Variants in PTPRN2 observed in about 807,000 individuals in gnomAD.
PTPRN2 encodes the protein protein tyrosine phosphatase receptor type N2.
A neutral mutation model predicts 118.8 loss-of-function variants in PTPRN2; 74 were observed. The observed-to-expected ratio is 0.62, with a 90% CI of 0.52 to 0.76. The LOEUF is 0.76. Among genes scored for constraint, PTPRN2 ranks in the 30% least tolerant of loss-of-function variants. The pLI is 0.00. For synonymous variants in PTPRN2, 641 were observed against 608.0 expected, an observed-to-expected ratio of 1.05 and a Z score of -0.80; for missense variants, 1,481 against 1,394.4, an observed-to-expected ratio of 1.06 and a Z score of -0.99.
At chr7:158,258,910 G>A (rs1171713154) in intron 3 of PTPRN2, among the ~76,000 whole-genome samples, 2 of 152,196 alleles carry the variant, frequency 1.3e-5, no homozygotes, top group African/African-American at 4.8e-5. Flanking sequence ...GTGCTGGGTA[G>A]ACACACCGGC....
chr7:157,823,864 T>C (rs1420506167), intron 12 of PTPRN2, among the ~76,000 whole-genome samples: 1 of 152,178 alleles, frequency 6.6e-6, no homozygotes, highest in Non-Finnish European at 1.5e-5. Context: ...CTAACCAGCC[T>C]GTGTCTCTAA....
chr7:157,695,327 T>G (rs1254609607), intron 12 of PTPRN2, among the ~76,000 whole-genome samples: 1 of 152,154 alleles, frequency 6.6e-6, no homozygotes, highest in Non-Finnish European at 1.5e-5. Flanking sequence ...AAAAAACACC[T>G]GAGACTCTTG....
intron 11 of PTPRN2, among the ~76,000 whole-genome samples, chr7:158,019,696 G>A (rs905787469): frequency 2.0e-5 from 3 of 152,194 alleles, no homozygotes; most frequent in Non-Finnish European, 4.4e-5. Flanking sequence ...GGAAGATGGT[G>A]AGCGGGCTGT....
intron 18 of PTPRN2, among the ~76,000 whole-genome samples, chr7:157,577,804 G>A (rs190979587): frequency 6.6e-6 from 1 of 152,250 alleles, no homozygotes; most frequent in Admixed American, 6.5e-5. Flanking sequence ...CGGCCCTCGG[G>A]GGTGACTCAG....
At chr7:157,605,979 T>C (rs1801978400) in intron 15 of PTPRN2, among the ~76,000 whole-genome samples, 1 of 152,228 alleles carries the variant, frequency 6.6e-6, no homozygotes, top group African/African-American at 2.4e-5. Context: ...CTCTGTCTCC[T>C]GCTGCCATTC....
intron 12 of PTPRN2, among the ~76,000 whole-genome samples, chr7:157,746,660 G>A (rs967131165): frequency 6.6e-6 from 1 of 152,178 alleles, no homozygotes; most frequent in Non-Finnish European, 1.5e-5. Flanking sequence ...ACACCCCACA[G>A]TCTTCACGGG....
At chr7:158,002,616 G>A (rs1432506860) in intron 11 of PTPRN2, among the ~76,000 whole-genome samples, 1 of 152,214 alleles carries the variant, frequency 6.6e-6, no homozygotes, top group Non-Finnish European at 1.5e-5. Context: ...TTCATCTGAG[G>A]GGTGAAGAGG....
At chr7:157,873,457 G>C (rs1178212850) in intron 12 of PTPRN2, among the ~76,000 whole-genome samples, 1 of 152,092 alleles carries the variant, frequency 6.6e-6, no homozygotes, top group Non-Finnish European at 1.5e-5. Context: ...CCGTCTCGCC[G>C]TGGGGGCCGG....
At chr7:158,007,011 T>C (rs1047489315) in intron 11 of PTPRN2, among the ~76,000 whole-genome samples, 11 of 152,102 alleles carry the variant, frequency 7.2e-5, no homozygotes, top group Admixed American at 7.2e-4. Flanking sequence ...GGGGCTGAAG[T>C]CTGAGGTCCG....
intron 18 of PTPRN2, among the ~76,000 whole-genome samples, chr7:157,577,687 C>T (rs926608330): frequency 3.9e-5 from 6 of 152,216 alleles, no homozygotes; most frequent in East Asian, 3.9e-4. Flanking sequence ...GTTTTTTCTA[C>T]TCTGTTATCA....
At chr7:157,914,601 C>CTT (rs566854789) in intron 11 of PTPRN2, among the ~76,000 whole-genome samples, 49 of 145,768 alleles carry the variant, frequency 3.4e-4, no homozygotes, top group African/African-American at 1.2e-3. Flanking sequence ...ATGTAGCTAC[C>CTT]TTTTTTTTTT....
At position 158,273,145 on chromosome 7, in the gene PTPRN2, C is replaced by T. The variant is rs968840246; in HGVS notation, c.277+43674G>A. On this transcript the variant is annotated intron_variant, in intron 3 of 22. Coordinates refer to ENST00000389418, the MANE Select transcript of PTPRN2 (RefSeq NM_002847.5). ...GGACTCAGGCCCCAGCTGCAGGATTCGAGTGCCCTTCGGGAGTGAGCTCGC... is the reference window on the plus strand; with the variant it reads ...GGACTCAGGCCCCAGCTGCAGGATTTGAGTGCCCTTCGGGAGTGAGCTCGC... 3.3e-5 allele frequency among the ~76,000 whole-genome samples: 5 copies of T among 152,148 alleles called. 1 individual carries two copies. The highest frequency in any genetic ancestry group is 4.1e-4 in the South Asian group (2 of 4,832).
intron 2 of PTPRN2, among the ~76,000 whole-genome samples, chr7:158,324,195 C>T (rs762467277): frequency 9.2e-5 from 14 of 152,128 alleles, no homozygotes; most frequent in African/African-American, 2.9e-4. Context: ...TCGCCTCTAC[C>T]GCCCTGCAGG....
intron 11 of PTPRN2, among the ~76,000 whole-genome samples, chr7:157,989,595 G>A (rs1328779553): frequency 2.0e-5 from 3 of 151,464 alleles, no homozygotes; most frequent in Middle Eastern, 3.4e-3. Context: ...GACCAAGTGC[G>A]TCTAAGGGGT....
At chr7:158,060,413 C>A (rs917252927) in intron 11 of PTPRN2, among the ~76,000 whole-genome samples, 1 of 152,236 alleles carries the variant, frequency 6.6e-6, no homozygotes, top group African/African-American at 2.4e-5. Context: ...GTGTGTGTAA[C>A]CTGCTTTCTC....
At position 157,642,827 on chromosome 7, in the gene PTPRN2, AAAAAAAAAAAAAAAAAAG is replaced by A. The variant is rs1476063036; in HGVS notation, c.2196+13512_2196+13529del. Among the ~76,000 whole-genome samples the A allele has an allele frequency of 5.7e-5, 8 of 139,268 alleles. No homozygotes were observed. The East Asian group carries it at 1.2e-3, about 21-fold the overall frequency. 91.4% of individuals were successfully genotyped at this position (139,268 alleles called of 152,430 possible). A position where few individuals can be genotyped will look rare whatever the true frequency, so the allele number is the denominator to read the frequency against. On this transcript the variant is annotated intron_variant, in intron 14 of 22. Coordinates refer to ENST00000389418, the MANE Select transcript of PTPRN2 (RefSeq NM_002847.5). ...GTCAAGAAACAGCAAAAAAAAAAAA[AAAAAAAAAAAAAAAAAAG>A]CAGCTAAAACGCAGGGCTGCGGGAC... is the stretch of plus-strand genomic sequence containing the variant.
intron 12 of PTPRN2, among the ~76,000 whole-genome samples, chr7:157,713,706 G>A (rs188865814): frequency 2.6e-5 from 4 of 152,212 alleles, no homozygotes; most frequent in Admixed American, 6.5e-5. Flanking sequence ...CTCTTATTCC[G>A]GCGTCTTTCC....
chr7:158,524,364 T>G, intron 1 of PTPRN2, among the ~76,000 whole-genome samples: 1 of 34,786 alleles, frequency 2.9e-5, no homozygotes, highest in Non-Finnish European at 6.2e-5. Context: ...AGTGGAGTCA[T>G]CTGCCCTGGA....
At position 157,799,762 on chromosome 7, in the gene PTPRN2, C is replaced by T. The variant is rs1220711539; in HGVS notation, c.1788+98911G>A. ...CGGCATCACGAACCACCTCCCGAGC[C>T]GGCCCCCTCCATCCCTCAGAGTCAC... is the stretch of plus-strand genomic sequence containing the variant. On this transcript the variant is annotated intron_variant, in intron 12 of 22. Coordinates refer to ENST00000389418, the MANE Select transcript of PTPRN2 (RefSeq NM_002847.5). Among the ~76,000 whole-genome samples the T allele has an allele frequency of 4.6e-5, 7 of 151,278 alleles. No homozygotes were observed. The East Asian group carries it at 1.2e-3, about 25-fold the overall frequency.
Sources: gnomAD v4.1 joint callset for allele counts (sites outside exome capture counted in the v4.1 genomes callset) on GRCh38, gnomAD v4.1.1 for gene constraint, MANE v1.5 for transcripts, NCBI Gene and HGNC (gene_info 2026-07-23, HGNC 2026-07-21) for gene names.